The following CRB1 variants were observed in gnomAD, a reference collection of about 807,000 sequenced individuals.
CRB1 encodes the protein crumbs cell polarity complex component 1.
CRB1 carries 83 observed loss-of-function variants against 120.0 expected under a neutral mutation model. The observed-to-expected ratio is 0.69, with a 90% CI of 0.58 to 0.83. The LOEUF is 0.83. CRB1 is among the 40% of genes least tolerant of loss of function. CRB1 has a pLI of 0.00. For missense variants in CRB1, 1,699 were observed against 1,687.6 expected (o/e 1.01, Z -0.12); for synonymous variants, 625 against 612.5 (o/e 1.02, Z -0.30).
the CRB1 span, among the ~76,000 whole-genome samples, chr1:197,227,395 T>TTTTC: frequency 6.5e-3 from 908 of 140,638 alleles, 10 homozygotes; most frequent in African/African-American, 0.022. Flanking sequence ...TTCTTTTTCT[T>TTTTC]TTTTTTTTTT....
At chr1:197,253,148 C>A in the CRB1 span, among the ~76,000 whole-genome samples, 2 of 152,026 alleles carry the variant, frequency 1.3e-5, no homozygotes, top group South Asian at 2.1e-4. Flanking sequence ...TCTGCATAGT[C>A]TACTCTTTCA....
chr1:197,305,988 G>C (rs1158684112), intron 1 of CRB1, among the ~76,000 whole-genome samples: 1 of 151,988 alleles, frequency 6.6e-6, no homozygotes, highest in Non-Finnish European at 1.5e-5. Context: ...TTACTGAATT[G>C]TAAGGAGTGC....
rs115825667 is a variant in CRB1, at chr1:197,437,500, A to G, written c.3750-1047A>G. 6.9e-3 allele frequency among the ~76,000 whole-genome samples: 1,054 copies of G among 152,310 alleles called. 14 individuals are homozygous for G. Among genetic ancestry groups the G allele is most frequent in the African/African-American group, 0.024 (992 of 41,572 alleles). ...ATTCATTAAAGTCAAGTTCTGAAAG[A>G]TGAAAGCCCTCAAAAATACCTTCTA... On this transcript the variant is annotated intron_variant, in intron 9 of 11. Transcript: ENST00000367400.
chr1:197,245,891 G>C, the CRB1 span, among the ~76,000 whole-genome samples: 1 of 152,060 alleles, frequency 6.6e-6, no homozygotes, highest in Non-Finnish European at 1.5e-5. Context: ...GAGAGAAAAA[G>C]GAATGCCTTA....
chr1:197,393,353 G>A (rs116592432), intron 5 of CRB1, among the ~76,000 whole-genome samples: 1 of 152,164 alleles, frequency 6.6e-6, no homozygotes, highest in African/African-American at 2.4e-5. Context: ...CTATATAGTA[G>A]ATGGAAAATT....
At chr1:197,320,031 T>C (rs960866906) in intron 1 of CRB1, among the ~76,000 whole-genome samples, 3 of 152,200 alleles carry the variant, frequency 2.0e-5, no homozygotes, top group Non-Finnish European at 4.4e-5. Flanking sequence ...GATTAAATGG[T>C]TAATTATTCT....
At chr1:197,458,580 CTTTCA>C (rs896984445) in intron 11 of CRB1, among the ~76,000 whole-genome samples, 1 of 151,980 alleles carries the variant, frequency 6.6e-6, no homozygotes, top group African/African-American at 2.4e-5. Flanking sequence ...ATGTTCTGTC[CTTTCA>C]TAAGTCCCAT....
At chr1:197,213,859 C>T in the CRB1 span, among the ~76,000 whole-genome samples, 5 of 151,874 alleles carry the variant, frequency 3.3e-5, no homozygotes, top group South Asian at 2.1e-4. Context: ...CACAAAACAC[C>T]GAAACTTACA....
intron 1 of CRB1, among the ~76,000 whole-genome samples, chr1:197,313,369 A>T (rs1316403827): frequency 6.6e-6 from 1 of 152,188 alleles, no homozygotes; most frequent in Non-Finnish European, 1.5e-5. Flanking sequence ...TGATATTTTG[A>T]TACATGTATA....
intron 2 of CRB1, 22 bp downstream of exon 2, chr1:197,329,025 T>C (rs1350955379): frequency 1.3e-6 from 2 of 1,582,748 alleles, no homozygotes; most frequent in Admixed American, 3.3e-5. Flanking sequence ...CATATCTGAA[T>C]CACAGATGGT....
the CRB1 span, among the ~76,000 whole-genome samples, chr1:197,213,572 A>G: frequency 1.3e-5 from 2 of 152,182 alleles, no homozygotes; most frequent in Non-Finnish European, 2.9e-5. Context: ...GAAATCAATC[A>G]CCAATCATAA....
chr1:197,204,698 C>T, the CRB1 span, among the ~76,000 whole-genome samples: 2 of 152,078 alleles, frequency 1.3e-5, no homozygotes, highest in African/African-American at 2.4e-5. Flanking sequence ...GTAGAGATTT[C>T]GAAGATTTTC....
At chr1:197,437,397 T>G (rs1486653187) in intron 9 of CRB1, among the ~76,000 whole-genome samples, 1 of 152,156 alleles carries the variant, frequency 6.6e-6, no homozygotes, top group Non-Finnish European at 1.5e-5. Context: ...AAATTTAGTA[T>G]ATTTCACTGT....
At chr1:197,476,002 C>T (rs12026564) in intron 11 of CRB1, among the ~76,000 whole-genome samples, 64,298 of 151,878 alleles carry the variant, frequency 0.42, 14,620 homozygotes, top group Non-Finnish European at 0.52. Context: ...CTCCGCATCT[C>T]GGGTTCAAGC....
upstream of CRB1, among the ~76,000 whole-genome samples, chr1:197,264,793 TG>T (rs1651688140): frequency 6.6e-6 from 1 of 151,258 alleles, no homozygotes; most frequent in African/African-American, 2.4e-5. Context: ...GGCTAACTTT[TG>T]TTTTTTTTTT....
In CRB1 at chr1:197,325,262, G is replaced by C. The variant is rs77696106; in HGVS notation, c.71-3160G>C. On this transcript the variant is annotated intron_variant, in intron 1 of 11. Transcript: ENST00000367400. ...TCTCTGCAGAAAGCCAGGCTAAAGA[G>C]AATTCAGCAAACCACTTTATTCTCA... 5.7e-3 allele frequency among the ~76,000 whole-genome samples: 863 copies of C among 152,246 alleles called. 8 individuals are homozygous for C. The highest frequency in any genetic ancestry group is 0.017 in the African/African-American group (712 of 41,524).
intron 10 of CRB1, 158 bp from the exon 11 acceptor site, chr1:197,442,008 A>G (rs1307965038): frequency 1.2e-6 from 1 of 844,588 alleles, no homozygotes; most frequent in Admixed American, 2.0e-5. Flanking sequence ...AGAAATTTTA[A>G]GAAACATCTC....
At chr1:197,419,923 C>T (rs1290850561) in intron 5 of CRB1, among the ~76,000 whole-genome samples, 1 of 143,696 alleles carries the variant, frequency 7.0e-6, no homozygotes, top group Admixed American at 7.4e-5. Context: ...TGCAGTGAGC[C>T]AAGATTGAGA....
intron 6 of CRB1, among the ~76,000 whole-genome samples, chr1:197,424,708 T>C (rs1439775716): frequency 6.6e-6 from 1 of 152,228 alleles, no homozygotes; most frequent in Non-Finnish European, 1.5e-5. Context: ...TGATGCCACA[T>C]AGTCCTGTTT....
Sources: allele counts gnomAD v4.1 joint callset (sites outside exome capture counted in the v4.1 genomes callset), GRCh38; gene constraint gnomAD v4.1.1; transcripts MANE v1.5; gene names NCBI Gene and HGNC (gene_info 2026-07-23, HGNC 2026-07-21).